DPYD: variants seen among roughly 807,000 people sequenced by gnomAD.
DPYD encodes dihydropyrimidine dehydrogenase.
A neutral mutation model predicts 116.2 loss-of-function variants in DPYD; 109 were observed. That is an observed-to-expected ratio of 0.94 (90% CI 0.80 to 1.10). The LOEUF (loss-of-function observed/expected upper bound fraction) is 1.10, where lower values mean the gene tolerates loss of function less well. DPYD is among the 50% of genes least tolerant of loss of function. The pLI, the probability that DPYD is intolerant of heterozygous loss-of-function variation, is 0.00. For missense variants in DPYD, 1,302 were observed against 1,254.5 expected, an observed-to-expected ratio of 1.04 and a Z score of -0.57; for synonymous variants, 440 against 432.0, an observed-to-expected ratio of 1.02 and a Z score of -0.23.
intron 18 of DPYD, among the ~76,000 whole-genome samples, chr1:97,251,391 TAAAA>T (rs10581072): frequency 2.3e-4 from 22 of 95,356 alleles, no homozygotes; most frequent in African/African-American, 4.9e-4. Flanking sequence ...AAACTCTGTC[TAAAA>T]AAAAAAAAAA....
chr1:97,752,290 T>TCACACA (rs146577982), intron 3 of DPYD, among the ~76,000 whole-genome samples: 178 of 145,960 alleles, frequency 1.2e-3, no homozygotes, highest in Middle Eastern at 3.5e-3. Flanking sequence ...TAAACCTACT[T>TCACACA]CACACACACA....
intron 4 of DPYD, among the ~76,000 whole-genome samples, chr1:97,722,793 GA>G (rs1662997503): frequency 6.6e-6 from 1 of 151,326 alleles, no homozygotes; most frequent in African/African-American, 2.4e-5. Context: ...CACTTTAAAA[GA>G]CTTTTATTTA....
intron 20 of DPYD, among the ~76,000 whole-genome samples, chr1:97,153,379 G>A (rs1421912774): frequency 3.9e-5 from 6 of 151,988 alleles, no homozygotes; most frequent in Non-Finnish European, 7.4e-5. Context: ...GGAGAACATG[G>A]CGAGGACAGT....
chr1:97,787,217 T>A (rs1571356281), intron 3 of DPYD, among the ~76,000 whole-genome samples: 3 of 152,236 alleles, frequency 2.0e-5, no homozygotes, highest in Admixed American at 1.3e-4. Context: ...CCCAGTAGGA[T>A]ACTTGATATT....
At chr1:97,808,293 A>G (rs1668176256) in intron 3 of DPYD, among the ~76,000 whole-genome samples, 9 of 152,112 alleles carry the variant, frequency 5.9e-5, no homozygotes. Flanking sequence ...TTCTTTCACC[A>G]TATTTTTATA....
At chr1:97,653,705 CCTTCT>C (rs1395985271) in intron 8 of DPYD, among the ~76,000 whole-genome samples, 1 of 152,020 alleles carries the variant, frequency 6.6e-6, no homozygotes, top group Non-Finnish European at 1.5e-5. Context: ...TCCCCCTTTT[CCTTCT>C]CTTCTATTCT....
At chr1:97,569,601 A>G (rs1652758777) in intron 11 of DPYD, among the ~76,000 whole-genome samples, 1 of 151,866 alleles carries the variant, frequency 6.6e-6, no homozygotes, top group Non-Finnish European at 1.5e-5. Context: ...ATCTAGAACA[A>G]CAAAATCCCA....
At position 97,399,867 on chromosome 1, in the gene DPYD, C is replaced by T. The variant is rs531941779; in HGVS notation, c.1906-17406G>A. 3.0e-4 allele frequency among the ~76,000 whole-genome samples: 45 copies of T among 152,264 alleles called. No individual in the cohort carries two copies. The South Asian group carries it at 8.9e-3, about 30-fold the overall frequency. ...TTTTGGGCTGAGATGATGGCATTTT[C>T]TAGATACACGATCATGTCATCTGCA... On this transcript the variant is annotated intron_variant, in intron 14 of 22. Transcript: ENST00000370192.
chr1:97,881,755 G>A (rs1672231635), intron 2 of DPYD, among the ~76,000 whole-genome samples: 1 of 151,832 alleles, frequency 6.6e-6, no homozygotes, highest in African/African-American at 2.4e-5. Context: ...GTCACATAGT[G>A]TCTCTTGATC....
At chr1:97,650,092 G>T (rs961762015) in intron 8 of DPYD, among the ~76,000 whole-genome samples, 1 of 151,918 alleles carries the variant, frequency 6.6e-6, no homozygotes, top group African/African-American at 2.4e-5. Context: ...CAGCTTGCAG[G>T]ATCCCTCCTC....
intron 5 of DPYD, among the ~76,000 whole-genome samples, chr1:97,700,801 T>C (rs904079779): frequency 6.6e-6 from 1 of 151,840 alleles, no homozygotes; most frequent in Admixed American, 6.6e-5. Flanking sequence ...GTAAGAAGAA[T>C]GTAAACTTCA....
rs367575823 is a variant in DPYD, at chr1:97,439,632, T to G, written c.1905+10427A>C. Among the ~76,000 whole-genome samples the G allele has an allele frequency of 4.6e-5, 7 of 152,224 alleles. No homozygotes were observed. The East Asian group carries it at 1.4e-3, about 29-fold the overall frequency. On this transcript the variant is annotated intron_variant, in intron 14 of 22. Transcript: ENST00000370192. ...TTTCCTGATCAGTCTGGCTAAAGTT[T>G]GGTCAATTTTTTTCGTCTCCGCAAG... is the stretch of plus-strand genomic sequence containing the variant.
At chr1:97,472,983 A>C (rs1207885333) in intron 13 of DPYD, among the ~76,000 whole-genome samples, 2 of 152,206 alleles carry the variant, frequency 1.3e-5, no homozygotes, top group Admixed American at 6.5e-5. Context: ...TGTGGTGAGA[A>C]TATTTATGAT....
At chr1:97,645,786 T>C (rs1658226263) in intron 8 of DPYD, among the ~76,000 whole-genome samples, 1 of 152,128 alleles carries the variant, frequency 6.6e-6, no homozygotes, top group Non-Finnish European at 1.5e-5. Flanking sequence ...AGCCCCAATC[T>C]TACTAAAGTT....
intron 4 of DPYD, among the ~76,000 whole-genome samples, chr1:97,739,899 A>G (rs1664168208): frequency 6.6e-6 from 1 of 152,066 alleles, no homozygotes; most frequent in Admixed American, 6.6e-5. Flanking sequence ...TTCTAATTTT[A>G]GTTGTGTATT....
chr1:97,527,271 G>A (rs887689665), intron 12 of DPYD, among the ~76,000 whole-genome samples: 3 of 152,038 alleles, frequency 2.0e-5, no homozygotes, highest in African/African-American at 7.2e-5. Context: ...TAGAGACAGG[G>A]TTTCACCATG....
chr1:97,317,586 G>A (rs1667934905), intron 16 of DPYD, among the ~76,000 whole-genome samples: 1 of 151,952 alleles, frequency 6.6e-6, no homozygotes, highest in Non-Finnish European at 1.5e-5. Context: ...ACATCTGCTG[G>A]TCTATTCACT....
At chr1:97,835,117 T>C (rs542363260) in intron 2 of DPYD, among the ~76,000 whole-genome samples, 1 of 152,158 alleles carries the variant, frequency 6.6e-6, no homozygotes, top group South Asian at 2.1e-4. Flanking sequence ...TAGGAGAATC[T>C]TATATGAGTC....
chr1:97,757,757 A>AC (rs1665329763), intron 3 of DPYD, among the ~76,000 whole-genome samples: 3 of 152,298 alleles, frequency 2.0e-5, no homozygotes, highest in African/African-American at 7.2e-5. Context: ...TTATGATGCA[A>AC]GTAACTAGAA....
Sources: allele counts gnomAD v4.1 joint callset (sites outside exome capture counted in the v4.1 genomes callset), GRCh38; gene constraint gnomAD v4.1.1; transcripts MANE v1.5; gene names NCBI Gene and HGNC (gene_info 2026-07-23, HGNC 2026-07-21).